The following RARRES1 variants were observed in gnomAD, a reference collection of about 807,000 sequenced individuals.
RARRES1 encodes retinoic acid receptor responder protein 1.
RARRES1 carries 34 observed loss-of-function variants against 30.6 expected under a neutral mutation model. That is an observed-to-expected ratio of 1.11 (90% CI 0.84 to 1.48). The LOEUF is 1.48. Among genes scored for constraint, RARRES1 ranks in the 40% most tolerant of loss-of-function variants. The pLI, the probability that RARRES1 is intolerant of heterozygous loss-of-function variation, is 0.00. For missense variants in RARRES1, 373 were observed against 386.5 expected, an observed-to-expected ratio of 0.97 and a Z score of 0.29; for synonymous variants, 153 against 155.5, an observed-to-expected ratio of 0.98 and a Z score of 0.12.
chr3:158,731,314 GTC>G (rs1727879225), intron 1 of RARRES1, among the ~76,000 whole-genome samples: 2 of 152,308 alleles, frequency 1.3e-5, no homozygotes, highest in South Asian at 4.1e-4. Flanking sequence ...GAGGCCGTGT[GTC>G]TGCAGGCTTT....
chr3:158,713,441 A>G (rs544028541), intron 2 of RARRES1, among the ~76,000 whole-genome samples: 1 of 152,204 alleles, frequency 6.6e-6, no homozygotes, highest in East Asian at 1.9e-4. Flanking sequence ...TCACCCTCTG[A>G]CAGGAAGAGA....
At chr3:158,719,375 G>A (rs1312947993) in intron 1 of RARRES1, among the ~76,000 whole-genome samples, 1 of 150,602 alleles carries the variant, frequency 6.6e-6, no homozygotes, top group Non-Finnish European at 1.5e-5. Flanking sequence ...GGGTTCAAGC[G>A]ATTGTCCTGC....
At chr3:158,720,312 T>C (rs1352502517) in intron 1 of RARRES1, among the ~76,000 whole-genome samples, 1 of 149,954 alleles carries the variant, frequency 6.7e-6, no homozygotes, top group Non-Finnish European at 1.5e-5. Context: ...TGGGATGCTC[T>C]TGGACTGCTT....
rs745584517 is a variant in RARRES1 at position 158,710,833 on chromosome 3, C to T, written c.440G>A (p.Arg147Gln). 22 of 1,613,318 alleles carry T rather than the reference C, an allele frequency of 1.4e-5. No individual in the cohort carries two copies. The highest frequency in any genetic ancestry group is 1.3e-4 in the South Asian group (12 of 91,034). ...PRPTINVTCT[R>Q]LIEKKKRQQE... ...TTGTCTTTTCTTTTTCTCGATGAGC[C>T]GTGTACAAGTTACATTGATGGTTGG... is the stretch of plus-strand genomic sequence containing the variant. The change falls in exon 3 of 6, where the codon CGG becomes CAG. Residue 147 changes from arginine (R) to glutamine (Q), a missense_variant. By Grantham distance (43) the Arg-to-Gln change is conservative. Transcript: ENST00000237696.
Position 158,723,484 on chromosome 3 carries a change from C to T in RARRES1, c.276+8656G>A, listed in dbSNP as rs1056698115. Reference sequence around the variant, plus strand: ...TCATTTTATTGCATTTTCCTTCTCTCGGGCAAGGCCAGATAAAGCAAATAC... The same window carrying T: ...TCATTTTATTGCATTTTCCTTCTCTTGGGCAAGGCCAGATAAAGCAAATAC... On this transcript the variant is annotated intron_variant, in intron 1 of 5. Transcript: ENST00000237696. The surrounding 1 kb of genome is among the most constrained non-coding windows in gnomAD (Gnocchi z 4.4). Among the ~76,000 whole-genome samples, 3 of 152,204 alleles carry T rather than the reference C, an allele frequency of 2.0e-5. No homozygotes were observed. Among genetic ancestry groups the T allele is most frequent in the Non-Finnish European group, 4.4e-5 (3 of 68,032 alleles).
intron 1 of RARRES1, 21 bp downstream of exon 1, chr3:158,732,119 G>T: frequency 7.6e-7 from 1 of 1,318,366 alleles, no homozygotes; most frequent in South Asian, 2.1e-5. Flanking sequence ...CGCGTGCCCC[G>T]GCGCGTCGCT....
intron 4 of RARRES1, among the ~76,000 whole-genome samples, chr3:158,702,394 A>C (rs1726765081): frequency 6.6e-6 from 1 of 152,142 alleles, no homozygotes; most frequent in African/African-American, 2.4e-5. Context: ...TCGTACGTGC[A>C]GTTTGGTTGA....
intron 1 of RARRES1, among the ~76,000 whole-genome samples, chr3:158,718,853 C>T (rs538723407): frequency 2.0e-5 from 3 of 152,218 alleles, no homozygotes; most frequent in Non-Finnish European, 2.9e-5. Flanking sequence ...AATTCAAAGC[C>T]GTGAAAAAAG....
Position 158,716,645 on chromosome 3 carries a change from A to T in RARRES1, c.277-2786T>A, listed in dbSNP as rs543178409. ...GTCACCCAGGCTGGAGTGCAGTGGCACGATCTCGGCTCACTGCAACCTCCG... is the reference window on the plus strand; with the variant it reads ...GTCACCCAGGCTGGAGTGCAGTGGCTCGATCTCGGCTCACTGCAACCTCCG... On this transcript the variant is annotated intron_variant, in intron 1 of 5. Coordinates refer to ENST00000237696, the MANE Select transcript of RARRES1 (RefSeq NM_206963.2). Among the ~76,000 whole-genome samples, 53 of 150,770 alleles carry T rather than the reference A, an allele frequency of 3.5e-4. 2 individuals carry two copies. Among genetic ancestry groups the T allele is most frequent in the African/African-American group, 1.3e-3 (53 of 40,998 alleles).
chr3:158,722,086 C>CAAAAAAAAAAAAAA (rs571829700), intron 1 of RARRES1, among the ~76,000 whole-genome samples: 3 of 68,734 alleles, frequency 4.4e-5, no homozygotes, highest in Non-Finnish European at 8.7e-5. Flanking sequence ...GAATGAAACT[C>CAAAAAAAAAAAAAA]AAAAAAAAAA....
chr3:158,730,059 T>A (rs1025270217), intron 1 of RARRES1, among the ~76,000 whole-genome samples: 1 of 152,000 alleles, frequency 6.6e-6, no homozygotes, highest in Non-Finnish European at 1.5e-5. Context: ...CGGTGGCTCA[T>A]GCCTGTAATC....
intron 2 of RARRES1, among the ~76,000 whole-genome samples, chr3:158,712,810 C>T (rs1184146967): frequency 6.6e-6 from 1 of 152,208 alleles, no homozygotes; most frequent in Non-Finnish European, 1.5e-5. Flanking sequence ...TTAGCTCACT[C>T]TGTTCTTAAT....
intron 1 of RARRES1, among the ~76,000 whole-genome samples, chr3:158,722,941 G>T (rs1258101545): frequency 6.6e-6 from 1 of 151,230 alleles, no homozygotes; most frequent in Non-Finnish European, 1.5e-5. Flanking sequence ...CCACAAAAAC[G>T]TGGAGCAAAT....
intron 1 of RARRES1, among the ~76,000 whole-genome samples, chr3:158,715,020 G>T (rs997702133): frequency 1.3e-5 from 2 of 152,218 alleles, no homozygotes; most frequent in African/African-American, 4.8e-5. Flanking sequence ...GCTTGTACAT[G>T]TACAGATGTT....
intron 1 of RARRES1, among the ~76,000 whole-genome samples, chr3:158,731,641 G>A (rs1389662551): frequency 2.6e-5 from 4 of 152,202 alleles, no homozygotes; most frequent in Non-Finnish European, 5.9e-5. Flanking sequence ...CTAGCGTGGT[G>A]GACTGCAATT....
intron 3 of RARRES1, among the ~76,000 whole-genome samples, chr3:158,705,487 C>A (rs1726889118): frequency 1.3e-5 from 2 of 151,920 alleles, no homozygotes; most frequent in South Asian, 2.1e-4. Context: ...ATTGCCCAGG[C>A]TAGAATGCAG....
chr3:158,732,006 C>G (rs1576828606), intron 1 of RARRES1, 134 bp downstream of exon 1: 1 of 949,470 alleles, frequency 1.1e-6, no homozygotes, highest in East Asian at 3.3e-5. Flanking sequence ...TGGGATCTCC[C>G]CGGGCGTCGT....
intron 1 of RARRES1, among the ~76,000 whole-genome samples, chr3:158,730,256 G>A (rs1727827615): frequency 6.7e-6 from 1 of 149,640 alleles, no homozygotes; most frequent in African/African-American, 2.5e-5. Context: ...GTAGGCGGAG[G>A]TTGCAGTAAG....
At chr3:158,712,781 C>G (rs1293211993) in intron 2 of RARRES1, among the ~76,000 whole-genome samples, 1 of 152,196 alleles carries the variant, frequency 6.6e-6, no homozygotes, top group East Asian at 1.9e-4. Flanking sequence ...TCTTCACCCC[C>G]TGAAATGGAA....
Sources: gnomAD v4.1 joint callset for allele counts (sites outside exome capture counted in the v4.1 genomes callset) on GRCh38, gnomAD v4.1.1 for gene constraint, Gnocchi (gnomAD v3.1) non-coding constraint, MANE v1.5 for transcripts, NCBI Gene and HGNC (gene_info 2026-07-23, HGNC 2026-07-21) for gene names.